PLVAP: variants seen among roughly 807,000 people sequenced by gnomAD.
PLVAP encodes the protein plasmalemma vesicle-associated protein.
In PLVAP, 34 loss-of-function variants were observed where a neutral mutation model predicts 43.1. The observed-to-expected ratio is 0.79, with a 90% CI of 0.60 to 1.05. PLVAP has a LOEUF of 1.05. Ranked by LOEUF, PLVAP falls within the 50% of genes least tolerant of loss-of-function variation. PLVAP has a pLI of 0.00. For missense variants in PLVAP, 574 were observed against 593.4 expected, an observed-to-expected ratio of 0.97 and a Z score of 0.34; for synonymous variants, 241 against 237.3, an observed-to-expected ratio of 1.02 and a Z score of -0.14.
intron 1 of PLVAP, among the ~76,000 whole-genome samples, chr19:17,367,916 TAC>T (rs2074556549): frequency 6.6e-6 from 1 of 151,700 alleles, no homozygotes; most frequent in Admixed American, 6.6e-5. Flanking sequence ...TTTGTTTTTT[TAC>T]ACAGAGTCTC....
intron 5 of PLVAP, among the ~76,000 whole-genome samples, chr19:17,356,234 C>T (rs1307270801): frequency 2.6e-5 from 4 of 152,092 alleles, no homozygotes; most frequent in South Asian, 2.1e-4. Flanking sequence ...CGCTTGAACC[C>T]GGGAGACAGA....
Position 17,377,105 on chromosome 19 carries a change from C to T in PLVAP, c.184G>A (p.Ala62Thr), listed in dbSNP as rs2074598921. Reference protein sequence around the residue: ...VHVSTESNLQATERRAEGLYS... With the variant: ...VHVSTESNLQTTERRAEGLYS... The stretch of plus-strand genomic sequence containing the variant: ...AGGCCCTCGGCTCGGCGCTCGGTGG[C>T]CTGCAGGTTGGACTCTGTGCTCACG... Residue 62 changes from alanine (A) to threonine (T), a missense_variant, in exon 1 of 6, where the codon GCC (alanine) becomes ACC (threonine). Coordinates refer to ENST00000252590, the MANE Select transcript of PLVAP (RefSeq NM_031310.3). 1 of 1,614,084 alleles carries T rather than the reference C, an allele frequency of 6.2e-7. No individual in the cohort carries two copies. The highest frequency in any genetic ancestry group is 8.5e-7 in the Non-Finnish European group (1 of 1,180,008).
chr19:17,373,296 G>T (rs555582098), intron 1 of PLVAP, among the ~76,000 whole-genome samples: 50 of 152,008 alleles, frequency 3.3e-4, no homozygotes, highest in African/African-American at 1.2e-3. Context: ...GGGAGACGGT[G>T]CTTTGCCCCG....
intron 5 of PLVAP, among the ~76,000 whole-genome samples, chr19:17,358,826 A>T (rs944583721): frequency 6.7e-6 from 1 of 149,156 alleles, no homozygotes; most frequent in South Asian, 2.1e-4. Context: ...CCAAGACAGG[A>T]TCTCACTCTG....
chr19:17,363,960 A>G (rs1419195850), intron 3 of PLVAP, among the ~76,000 whole-genome samples: 2 of 151,516 alleles, frequency 1.3e-5, no homozygotes, highest in African/African-American at 4.9e-5. Flanking sequence ...GTTAGCCAGG[A>G]TGGCCTCCAT....
At chr19:17,369,310 C>T (rs1252498599) in intron 1 of PLVAP, among the ~76,000 whole-genome samples, 2 of 151,450 alleles carry the variant, frequency 1.3e-5, no homozygotes, top group Admixed American at 6.6e-5. Context: ...CTCAGCCTCT[C>T]GAGTAGCTGG....
intron 1 of PLVAP, among the ~76,000 whole-genome samples, chr19:17,375,961 G>A (rs2074593608): frequency 1.3e-5 from 2 of 151,440 alleles, no homozygotes; most frequent in South Asian, 2.1e-4. Context: ...AGGGAGGATT[G>A]TTTGAGCCCA....
intron 5 of PLVAP, among the ~76,000 whole-genome samples, chr19:17,355,446 T>C (rs978426551): frequency 6.6e-6 from 1 of 151,822 alleles, no homozygotes; most frequent in Non-Finnish European, 1.5e-5. Flanking sequence ...CACTGCAGCC[T>C]TGAACTCCTC....
At position 17,377,134 on chromosome 19, in the gene PLVAP, A is replaced by C. The variant is rs780248527; in HGVS notation, c.155T>G (p.Val52Gly). The C allele has an allele frequency of 6.2e-7, 1 of 1,614,118 alleles. No individual in the cohort carries two copies. Among genetic ancestry groups the C allele is most frequent in the Non-Finnish European group, 8.5e-7 (1 of 1,180,008 alleles). Residue 52 changes from valine (V) to glycine (G), a missense_variant, in exon 1 of 6, where the codon GTG (valine) becomes GGG (glycine). By Grantham distance (109) the Val-to-Gly change is moderately radical (BLOSUM62 -3). Transcript: ENST00000252590. ...GLVLFMVYGN[V>G]HVSTESNLQA... is the part of the protein sequence containing the mutation. ...CAGGTTGGACTCTGTGCTCACGTGCACGTTGCCATAGACCATGAAGAGCAC... is the reference window on the plus strand; with the variant it reads ...CAGGTTGGACTCTGTGCTCACGTGCCCGTTGCCATAGACCATGAAGAGCAC...
At chr19:17,359,167 A>G (rs1412104140) in intron 5 of PLVAP, among the ~76,000 whole-genome samples, 1 of 151,426 alleles carries the variant, frequency 6.6e-6, no homozygotes, top group Non-Finnish European at 1.5e-5. Context: ...TAGTGGCTCA[A>G]TCTTGGCTCA....
At chr19:17,371,519 T>C (rs1479037730) in intron 1 of PLVAP, among the ~76,000 whole-genome samples, 1 of 152,036 alleles carries the variant, frequency 6.6e-6, no homozygotes, top group East Asian at 1.9e-4. Context: ...AGACATGGTC[T>C]CACTCTGCCA....
chr19:17,370,354 G>A (rs903543395), intron 1 of PLVAP, among the ~76,000 whole-genome samples: 4 of 152,188 alleles, frequency 2.6e-5, no homozygotes, highest in African/African-American at 7.2e-5. Context: ...GTCCACAGCC[G>A]CTCGATTCAC....
chr19:17,365,419 T>G lies in PLVAP; in HGVS notation c.1046A>C (p.Glu349Ala). ...ECSRQTQLALEEKAVLRKERD... is the reference protein window; with the variant it reads ...ECSRQTQLALAEKAVLRKERD... ...TTCCTTCCGCAGCACCGCCTTCTCC[T>G]CCAGCGCTAGCTGGGTCTGCCGGGA... Residue 349 changes from glutamate (E) to alanine (A), a missense_variant, in exon 3 of 6, where the codon GAG becomes GCG. Transcript: ENST00000252590. The G allele has an allele frequency of 6.2e-7, 1 of 1,613,260 alleles. No individual in the cohort carries two copies. Among genetic ancestry groups the G allele is most frequent in the Non-Finnish European group, 8.5e-7 (1 of 1,180,020 alleles).
chr19:17,355,080 C>T (rs2074501120), intron 5 of PLVAP, among the ~76,000 whole-genome samples: 1 of 149,564 alleles, frequency 6.7e-6, no homozygotes, highest in Admixed American at 6.7e-5. Context: ...AAAAAATCAC[C>T]CAGGCTGGTG....
At chr19:17,367,955 T>C (rs1035430126) in intron 1 of PLVAP, among the ~76,000 whole-genome samples, 20 of 151,910 alleles carry the variant, frequency 1.3e-4, no homozygotes, top group African/African-American at 4.6e-4. Context: ...TGGAGTACAA[T>C]GGCTCGATCT....
At chr19:17,354,823 G>A (rs1334653753) in intron 5 of PLVAP, among the ~76,000 whole-genome samples, 2 of 151,196 alleles carry the variant, frequency 1.3e-5, no homozygotes, top group Non-Finnish European at 1.5e-5. Context: ...GCGTGAACCC[G>A]GGAGGCAGAG....
intron 5 of PLVAP, among the ~76,000 whole-genome samples, chr19:17,357,941 G>A (rs1354495287): frequency 2.0e-5 from 3 of 152,208 alleles, no homozygotes; most frequent in African/African-American, 7.2e-5. Flanking sequence ...GGCCCTGACA[G>A]TCCTGGGCTG....
At chr19:17,375,763 C>G (rs1189186310) in intron 1 of PLVAP, among the ~76,000 whole-genome samples, 1 of 152,046 alleles carries the variant, frequency 6.6e-6, no homozygotes. Flanking sequence ...CGCCTGTAAT[C>G]CCAGCTACTC....
At chr19:17,354,806 G>A (rs1262838393) in intron 5 of PLVAP, among the ~76,000 whole-genome samples, 1 of 151,414 alleles carries the variant, frequency 6.6e-6, no homozygotes, top group African/African-American at 2.4e-5. Context: ...GCTGAGGCAG[G>A]AGAATGGCGT....
Sources: gnomAD v4.1 joint callset for allele counts (sites outside exome capture counted in the v4.1 genomes callset) on GRCh38, gnomAD v4.1.1 for gene constraint, MANE v1.5 for transcripts, NCBI Gene and HGNC (gene_info 2026-07-23, HGNC 2026-07-21) for gene names.